PDE10A: variants seen among roughly 807,000 people sequenced by gnomAD.
PDE10A encodes the protein phosphodiesterase 10A.
A neutral mutation model predicts 97.7 loss-of-function variants in PDE10A; 39 were observed. That is an observed-to-expected ratio of 0.40 (90% CI 0.31 to 0.52). The LOEUF is 0.52. Among genes scored for constraint, PDE10A ranks in the 20% least tolerant of loss-of-function variants. PDE10A has a pLI of 0.56. For missense variants in PDE10A, 731 were observed against 1,047.8 expected (o/e 0.70, Z 4.17); for synonymous variants, 371 against 376.8 (o/e 0.98, Z 0.18).
intron 1 of PDE10A, among the ~76,000 whole-genome samples, chr6:165,983,410 T>C (rs947715100): frequency 4.6e-5 from 7 of 152,154 alleles, no homozygotes; most frequent in Admixed American, 6.6e-5. Flanking sequence ...CTGGCATGGA[T>C]TGGTGGTAGG....
At chr6:165,727,245 C>G (rs1792322376) in intron 1 of PDE10A, among the ~76,000 whole-genome samples, 1 of 152,224 alleles carries the variant, frequency 6.6e-6, no homozygotes, top group Admixed American at 6.5e-5. Flanking sequence ...ACACCGTTTT[C>G]CTCCTTAGAA....
intron 13 of PDE10A, among the ~76,000 whole-genome samples, chr6:165,400,526 G>A (rs1228509838): frequency 1.3e-5 from 2 of 152,108 alleles, no homozygotes; most frequent in Admixed American, 1.3e-4. Context: ...AACAAAAGAT[G>A]GACAAAAGAT....
chr6:165,825,725 C>T (rs1301146608), intron 1 of PDE10A, among the ~76,000 whole-genome samples: 2 of 152,146 alleles, frequency 1.3e-5, no homozygotes, highest in East Asian at 1.9e-4. Flanking sequence ...CTTGGGAGTC[C>T]CCCTGGGGGT....
At chr6:165,637,486 C>G (rs536005464) in intron 1 of PDE10A, among the ~76,000 whole-genome samples, 1 of 152,106 alleles carries the variant, frequency 6.6e-6, no homozygotes, top group African/African-American at 2.4e-5. Flanking sequence ...CACAAGACTG[C>G]GGAAAATTTT....
chr6:165,913,273 T>TACACAC (rs58740333), intron 1 of PDE10A, among the ~76,000 whole-genome samples: 8,429 of 147,910 alleles, frequency 0.057, 307 homozygotes, highest in South Asian at 0.09. Flanking sequence ...ACTCAACTTG[T>TACACAC]ACACACACAC....
chr6:165,403,445 G>A (rs573503486), intron 13 of PDE10A, among the ~76,000 whole-genome samples: 1 of 152,238 alleles, frequency 6.6e-6, no homozygotes, highest in South Asian at 2.1e-4. Context: ...GGACCCTTCT[G>A]TTTTTAGAGA....
intron 19 of PDE10A, 125 bp downstream of exon 19, chr6:165,343,266 G>T: frequency 1.4e-6 from 1 of 697,614 alleles, no homozygotes; most frequent in Non-Finnish European, 2.6e-6. Flanking sequence ...AAATCCTTCA[G>T]TATGTGACTC....
chr6:165,359,675 T>C lies in PDE10A; in HGVS notation c.2784-16173A>G, dbSNP rs181198240. Among the ~76,000 whole-genome samples the C allele has an allele frequency of 7.1e-4, 108 of 152,336 alleles. 1 individual carries two copies. The highest frequency in any genetic ancestry group is 6.8e-3 in the Middle Eastern group (2 of 294). ...AATCTAAGTCATCTTGGGCTCTGTT[T>C]CTCCTGACTGCTTATGTCTTCTTGA... is the stretch of plus-strand genomic sequence containing the variant. On this transcript the variant is annotated intron_variant, in intron 18 of 21. Coordinates refer to ENST00000539869, the MANE Select transcript of PDE10A (RefSeq NM_001385079.1).
At position 165,818,425 on chromosome 6, in the gene PDE10A, A is replaced by G. The variant is rs148073208; in HGVS notation, c.-615+169104T>C. 9.8e-5 allele frequency among the ~76,000 whole-genome samples: 15 copies of G among 152,300 alleles called. No homozygotes were observed. The East Asian group carries it at 2.7e-3, about 27-fold the overall frequency. On this transcript the variant is annotated intron_variant, in intron 1 of 19. Coordinates refer to the PDE10A transcript ENST00000366882. ...GAAATGCGACTCTGCGGGGAGTTGTAAAGAAAGTCAAAGAATTTAAATTCA... is the reference window on the plus strand; with the variant it reads ...GAAATGCGACTCTGCGGGGAGTTGTGAAGAAAGTCAAAGAATTTAAATTCA...
At chr6:165,945,362 C>G (rs555273717) in intron 1 of PDE10A, among the ~76,000 whole-genome samples, 1 of 152,324 alleles carries the variant, frequency 6.6e-6, no homozygotes, top group Admixed American at 6.5e-5. Context: ...CTTCCTAACC[C>G]TCAGAAACTA....
Position 165,581,193 on chromosome 6 carries a change from T to C in PDE10A, c.866-37625A>G, listed in dbSNP as rs147894077. ...TTTAAATCTTTCCTTTCCAAAAGAA[T>C]ACTTTAGACCATTTAATACTAATTA... On this transcript the variant is annotated intron_variant, in intron 1 of 21. Transcript: ENST00000539869. Among the ~76,000 whole-genome samples, 890 of 152,318 alleles carry C rather than the reference T, an allele frequency of 5.8e-3. 10 individuals carry two copies. The highest frequency in any genetic ancestry group is 0.02 in the African/African-American group (829 of 41,572).
At chr6:165,976,813 C>G (rs1412978466) in intron 1 of PDE10A, among the ~76,000 whole-genome samples, 16 of 152,200 alleles carry the variant, frequency 1.1e-4, no homozygotes, top group Non-Finnish European at 1.5e-5. Flanking sequence ...CTCTGCAGTC[C>G]CCACCAGCCA....
At chr6:165,469,199 G>C (rs1030524665) in intron 3 of PDE10A, among the ~76,000 whole-genome samples, 1 of 152,096 alleles carries the variant, frequency 6.6e-6, no homozygotes, top group African/African-American at 2.4e-5. Context: ...AAAGACAAAC[G>C]GTTCGCGTCT....
chr6:165,853,128 C>T (rs373095062), intron 1 of PDE10A, among the ~76,000 whole-genome samples: 4 of 152,226 alleles, frequency 2.6e-5, no homozygotes, highest in African/African-American at 9.6e-5. Flanking sequence ...CTGCGTTTAT[C>T]AACTTCTCCA....
chr6:165,915,986 T>A (rs747994454), intron 1 of PDE10A, among the ~76,000 whole-genome samples: 8 of 152,222 alleles, frequency 5.3e-5, no homozygotes, highest in Non-Finnish European at 1.0e-4. Context: ...GAGGTATCCC[T>A]CAAAATACTA....
chr6:165,958,563 AAGACAGAC>A (rs1266506527), intron 1 of PDE10A, among the ~76,000 whole-genome samples: 1,507 of 15,192 alleles, frequency 0.099, 185 homozygotes, highest in South Asian at 0.16. Flanking sequence ...GAAAGAAAGA[AAGACAGAC>A]AGAAAGAAAG....
intron 1 of PDE10A, among the ~76,000 whole-genome samples, chr6:165,901,943 C>A (rs1782122924): frequency 6.6e-6 from 1 of 152,146 alleles, no homozygotes; most frequent in African/African-American, 2.4e-5. Context: ...GTCAGAGTAT[C>A]CAGATATATT....
Position 165,693,252 on chromosome 6 carries a change from C to T in PDE10A, c.-614-149684G>A, listed in dbSNP as rs35920271. Among the ~76,000 whole-genome samples, 562 of 152,104 alleles carry T rather than the reference C, an allele frequency of 3.7e-3. 2 individuals are homozygous for T. The highest frequency in any genetic ancestry group is 5.8e-3 in the Non-Finnish European group (394 of 67,980). Reference sequence around the variant, plus strand: ...GAAACATTTAAAAGTGCACTGAGGCCGGGCACGGTGGCTCACGCCTGTAAT... The same window carrying T: ...GAAACATTTAAAAGTGCACTGAGGCTGGGCACGGTGGCTCACGCCTGTAAT... On this transcript the variant is annotated intron_variant, in intron 1 of 19. Transcript: ENST00000366882.
At chr6:165,912,456 C>A (rs546849365) in intron 1 of PDE10A, among the ~76,000 whole-genome samples, 1 of 152,210 alleles carries the variant, frequency 6.6e-6, no homozygotes, top group Non-Finnish European at 1.5e-5. Flanking sequence ...CAACGCTCCA[C>A]CTTCTTGCTT....
Sources: allele counts gnomAD v4.1 joint callset (sites outside exome capture counted in the v4.1 genomes callset), GRCh38; gene constraint gnomAD v4.1.1; transcripts MANE v1.5; gene names NCBI Gene and HGNC (gene_info 2026-07-23, HGNC 2026-07-21).